ARID2: variants seen among roughly 807,000 people sequenced by gnomAD.
ARID2 encodes the protein AT-rich interaction domain 2, also known as AT-rich interactive domain-containing protein 2.
ARID2 carries 32 observed loss-of-function variants against 184.6 expected under a neutral mutation model. The ratio of observed to expected loss-of-function variants is 0.17; its 90% CI spans 0.13 to 0.23. ARID2 has a LOEUF of 0.23. Among genes scored for constraint, ARID2 ranks in the 10% least tolerant of loss-of-function variants. The pLI, the probability that ARID2 is intolerant of heterozygous loss-of-function variation, is 1.00. For synonymous variants in ARID2, 836 were observed against 772.6 expected (o/e 1.08, Z -1.36); for missense variants, 1,696 against 2,197.6 (o/e 0.77, Z 4.56).
At chr12:45,736,580 G>T (rs1941129689) in intron 3 of ARID2, among the ~76,000 whole-genome samples, 1 of 152,116 alleles carries the variant, frequency 6.6e-6, no homozygotes, top group Non-Finnish European at 1.5e-5. Context: ...TGATAAAAAT[G>T]GATTTTGTCT....
intron 15 of ARID2, among the ~76,000 whole-genome samples, chr12:45,859,047 C>CT (rs1320810781): frequency 2.6e-5 from 4 of 152,042 alleles, no homozygotes; most frequent in Non-Finnish European, 4.4e-5. Flanking sequence ...TGTGATTTAT[C>CT]TTTTTTTCTA....
intron 20 of ARID2, among the ~76,000 whole-genome samples, chr12:45,902,097 G>A (rs192372644): frequency 3.3e-5 from 5 of 152,110 alleles, no homozygotes; most frequent in Admixed American, 3.3e-4. Flanking sequence ...GTGTTGCTTA[G>A]AAATTATTTT....
chr12:45,782,094 A>T (rs184346168), intron 3 of ARID2, among the ~76,000 whole-genome samples: 2 of 152,090 alleles, frequency 1.3e-5, no homozygotes, highest in East Asian at 1.9e-4. Context: ...GTTTTTTTTA[A>T]AAAAGAGAGT....
At position 45,849,726 on chromosome 12, in the gene ARID2, T is replaced by C. The variant is rs1300885277; in HGVS notation, c.1862T>C (p.Val621Ala). The C allele has an allele frequency of 5.0e-6, 8 of 1,613,768 alleles. No individual in the cohort carries two copies. The highest frequency in any genetic ancestry group is 6.8e-6 in the Non-Finnish European group (8 of 1,179,766). Residue 621 changes from valine to alanine, a missense_variant, in exon 14 of 21, where the codon GTT (valine) becomes GCT (alanine). Around this residue, in one of 11 missense-constraint regions of ARID2, gnomAD observed 713 missense variants for 824.4 expected, o/e 0.86. Transcript: ENST00000334344. ...CAGCAGCAACCAGTTTCTACTTCTG[T>C]TGTTCGTGTTGATTCTGTTCCTGAT... ...YYQQQPVSTS[V>A]VRVDSVPDVS...
chr12:45,901,114 GT>G (rs1944450996), intron 20 of ARID2, among the ~76,000 whole-genome samples: 1 of 86,994 alleles, frequency 1.1e-5, no homozygotes, highest in East Asian at 3.1e-4. Flanking sequence ...TTAGCTTTCT[GT>G]TTTCTCTCTG....
At chr12:45,795,523 C>G (rs1238858341) in intron 3 of ARID2, among the ~76,000 whole-genome samples, 5 of 152,108 alleles carry the variant, frequency 3.3e-5, no homozygotes, top group Non-Finnish European at 7.4e-5. Context: ...AGCTCCGCCT[C>G]CCGGGTTCAC....
intron 6 of ARID2, among the ~76,000 whole-genome samples, chr12:45,833,794 T>C (rs1033155214): frequency 6.6e-6 from 1 of 152,218 alleles, no homozygotes; most frequent in Admixed American, 6.5e-5. Context: ...CAGCCTCTTA[T>C]AATTGTTCTC....
intron 15 of ARID2, among the ~76,000 whole-genome samples, chr12:45,859,178 A>C (rs1260971953): frequency 6.6e-6 from 1 of 152,248 alleles, no homozygotes; most frequent in African/African-American, 2.4e-5. Context: ...GGACCACATA[A>C]TACAACAATA....
At chr12:45,752,265 A>T (rs1941478208) in intron 3 of ARID2, among the ~76,000 whole-genome samples, 1 of 152,192 alleles carries the variant, frequency 6.6e-6, no homozygotes, top group African/African-American at 2.4e-5. Context: ...CATAGGATTG[A>T]ACCTTAATAA....
chr12:45,753,869 T>A (rs1228851620), intron 3 of ARID2, among the ~76,000 whole-genome samples: 1 of 152,154 alleles, frequency 6.6e-6, no homozygotes, highest in African/African-American at 2.4e-5. Context: ...GCTGGAATTA[T>A]AGGCATGAGC....
rs143597342 is a variant in ARID2, at chr12:45,770,178, G to A, written c.284+38864G>A. On this transcript the variant is annotated intron_variant, in intron 3 of 20. Transcript: ENST00000334344. Reference sequence around the variant, plus strand: ...TGAGGCAGGAGAATGGCGTGAATACGGGAGGCAGAGATTGCAGTGAGCCGA... The same window carrying A: ...TGAGGCAGGAGAATGGCGTGAATACAGGAGGCAGAGATTGCAGTGAGCCGA... Among the ~76,000 whole-genome samples, 1,199 of 152,032 alleles carry A rather than the reference G, an allele frequency of 7.9e-3. 12 individuals carry two copies. The highest frequency in any genetic ancestry group is 0.027 in the African/African-American group (1,135 of 41,474).
intron 4 of ARID2, among the ~76,000 whole-genome samples, chr12:45,811,794 C>A (rs1462880461): frequency 1.3e-5 from 2 of 151,956 alleles, no homozygotes; most frequent in Non-Finnish European, 2.9e-5. Flanking sequence ...ATGATTTTTC[C>A]TTATTGCTCT....
chr12:45,762,021 A>G (rs1941692121), intron 3 of ARID2, among the ~76,000 whole-genome samples: 1 of 152,106 alleles, frequency 6.6e-6, no homozygotes. Flanking sequence ...ATATTTTTAC[A>G]GCCAATATTT....
At chr12:45,838,800 T>C (rs1943270931) in intron 10 of ARID2, among the ~76,000 whole-genome samples, 1 of 151,350 alleles carries the variant, frequency 6.6e-6, no homozygotes, top group African/African-American at 2.4e-5. Flanking sequence ...TAGATATAGA[T>C]ATAGATATCC....
At chr12:45,744,723 A>G (rs1941324414) in intron 3 of ARID2, among the ~76,000 whole-genome samples, 1 of 152,186 alleles carries the variant, frequency 6.6e-6, no homozygotes, top group Non-Finnish European at 1.5e-5. Context: ...AGTCTTCATT[A>G]TAGGTTAATG....
intron 3 of ARID2, among the ~76,000 whole-genome samples, chr12:45,761,951 T>C (rs965746568): frequency 1.3e-5 from 2 of 152,172 alleles, no homozygotes; most frequent in African/African-American, 4.8e-5. Flanking sequence ...AATTCTTAAA[T>C]CAACTCTGTT....
intron 3 of ARID2, among the ~76,000 whole-genome samples, chr12:45,748,209 G>A (rs1941394910): frequency 6.6e-6 from 1 of 152,058 alleles, no homozygotes; most frequent in African/African-American, 2.4e-5. Flanking sequence ...GAGACGTAGT[G>A]AGACCCTGTC....
intron 3 of ARID2, among the ~76,000 whole-genome samples, chr12:45,774,919 TCA>T (rs1485281863): frequency 6.6e-6 from 1 of 152,200 alleles, no homozygotes; most frequent in Admixed American, 6.5e-5. Context: ...TAGTTTTGCT[TCA>T]CAGAGAACAT....
rs777982636 is a variant in ARID2 at position 45,851,991 on chromosome 12, G to A, written c.3868G>A (p.Val1290Met). Residue 1290 changes from valine to methionine, a missense_variant, in exon 15 of 21, where the codon GTG becomes ATG. Transcript: ENST00000334344. The stretch of plus-strand genomic sequence containing the variant: ...GGATACAAAGGAAAATGAAATGCAT[G>A]TGGGAAGTCTTTTAAATGGGAGAAA... The part of the protein sequence containing the change: ...NGDTKENEMH[V>M]GSLLNGRKYS... 62 of 1,614,036 alleles carry A rather than the reference G, an allele frequency of 3.8e-5. No individual in the cohort carries two copies. In the East Asian group the frequency reaches 6.9e-4, roughly 18 times the overall value.
Sources: allele counts gnomAD v4.1 joint callset (sites outside exome capture counted in the v4.1 genomes callset), GRCh38; gene constraint gnomAD v4.1.1; regional missense constraint gnomAD v4.1.1; transcripts MANE v1.5; gene names NCBI Gene and HGNC (gene_info 2026-07-23, HGNC 2026-07-21).